MAF: variants seen among roughly 807,000 people sequenced by gnomAD.
The protein encoded by MAF is transcription factor Maf.
A neutral mutation model predicts 22.0 loss-of-function variants in MAF; 10 were observed. The observed-to-expected ratio is 0.45, with a 90% CI of 0.28 to 0.77. The LOEUF (loss-of-function observed/expected upper bound fraction) is 0.77. Among genes scored for constraint, MAF ranks in the 30% least tolerant of loss-of-function variants. The pLI is 0.12. For synonymous variants in MAF, 337 were observed against 255.8 expected, an observed-to-expected ratio of 1.32 and a Z score of -3.03; for missense variants, 544 against 548.4, an observed-to-expected ratio of 0.99 and a Z score of 0.08.
the MAF span, among the ~76,000 whole-genome samples, chr16:79,334,382 C>A: frequency 6.6e-6 from 1 of 152,158 alleles, no homozygotes; most frequent in Non-Finnish European, 1.5e-5. Context: ...GCGCGCTGTG[C>A]AAGGCCAGGG....
the MAF span, among the ~76,000 whole-genome samples, chr16:79,246,143 A>C: frequency 6.6e-6 from 1 of 152,268 alleles, no homozygotes; most frequent in African/African-American, 2.4e-5. Context: ...CCACCATGGC[A>C]CGTGTATACC....
At chr16:79,242,083 A>G in the MAF span, among the ~76,000 whole-genome samples, 1 of 152,100 alleles carries the variant, frequency 6.6e-6, no homozygotes, top group Non-Finnish European at 1.5e-5. Context: ...AGTCAATGCA[A>G]AAACATACCA....
At chr16:79,338,004 T>G in the MAF span, among the ~76,000 whole-genome samples, 13 of 152,292 alleles carry the variant, frequency 8.5e-5, no homozygotes, top group African/African-American at 3.1e-4. Flanking sequence ...TCAGGCCCTG[T>G]GCTAGGCACT....
the MAF span, among the ~76,000 whole-genome samples, chr16:79,277,032 T>G: frequency 6.6e-6 from 1 of 152,124 alleles, no homozygotes; most frequent in Non-Finnish European, 1.5e-5. Context: ...TCTCTCTTTT[T>G]TAATTTTGAT....
the MAF span, among the ~76,000 whole-genome samples, chr16:79,263,367 G>A: frequency 2.6e-5 from 4 of 152,166 alleles, no homozygotes; most frequent in African/African-American, 9.7e-5. Flanking sequence ...CACTTTGGAG[G>A]ATATGATTTG....
chr16:79,416,606 A>T, the MAF span, among the ~76,000 whole-genome samples: 2 of 152,142 alleles, frequency 1.3e-5, no homozygotes, highest in Non-Finnish European at 2.9e-5. Context: ...CCCCCACTCC[A>T]GTTTTACAGA....
the MAF span, among the ~76,000 whole-genome samples, chr16:79,502,866 T>C: frequency 6.7e-6 from 1 of 150,192 alleles, no homozygotes; most frequent in East Asian, 1.9e-4. Context: ...TTACTCTCTT[T>C]AACGTGGTGG....
chr16:79,524,382 G>T, the MAF span, among the ~76,000 whole-genome samples: 1 of 152,162 alleles, frequency 6.6e-6, no homozygotes, highest in East Asian at 1.9e-4. Flanking sequence ...TGTAGATGGG[G>T]ATTTATTTGC....
At chr16:79,407,525 G>C in the MAF span, among the ~76,000 whole-genome samples, 1 of 151,878 alleles carries the variant, frequency 6.6e-6, no homozygotes, top group Non-Finnish European at 1.5e-5. Context: ...TCCTGTAATC[G>C]TGTTCCTGCA....
chr16:79,583,346 T>C (rs1329315247), downstream of MAF, among the ~76,000 whole-genome samples: 1 of 152,206 alleles, frequency 6.6e-6, no homozygotes, highest in African/African-American at 2.4e-5. Context: ...GTCCACTCCA[T>C]CTGCCGATTG....
the MAF span, among the ~76,000 whole-genome samples, chr16:79,366,294 G>A: frequency 6.6e-5 from 10 of 152,266 alleles, no homozygotes; most frequent in African/African-American, 1.7e-4. Context: ...CCAAATATCT[G>A]TTGGAAACTT....
At chr16:79,477,141 A>G in the MAF span, among the ~76,000 whole-genome samples, 4 of 152,346 alleles carry the variant, frequency 2.6e-5, no homozygotes, top group East Asian at 5.8e-4. Flanking sequence ...GGGAACTGAT[A>G]CAATTACGTT....
At chr16:79,410,981 A>T in the MAF span, among the ~76,000 whole-genome samples, 2 of 152,210 alleles carry the variant, frequency 1.3e-5, no homozygotes, top group Non-Finnish European at 2.9e-5. Context: ...TTCCTTAGAT[A>T]TCGGTCTTAG....
At chr16:79,383,226 G>A in the MAF span, among the ~76,000 whole-genome samples, 2 of 152,270 alleles carry the variant, frequency 1.3e-5, no homozygotes, top group Admixed American at 6.5e-5. Context: ...GGACTGGGGT[G>A]GGGGCAGGGT....
the MAF span, among the ~76,000 whole-genome samples, chr16:79,525,259 C>G: frequency 6.6e-6 from 1 of 152,164 alleles, no homozygotes; most frequent in African/African-American, 2.4e-5. Context: ...TTCTCTGCCT[C>G]CCCCAATGCC....
At chr16:79,385,266 T>C in the MAF span, among the ~76,000 whole-genome samples, 1 of 152,250 alleles carries the variant, frequency 6.6e-6, no homozygotes, top group Non-Finnish European at 1.5e-5. Flanking sequence ...CCAATATGTA[T>C]GAATCAATTT....
chr16:79,355,815 G>A, the MAF span, among the ~76,000 whole-genome samples: 1 of 152,114 alleles, frequency 6.6e-6, no homozygotes, highest in Non-Finnish European at 1.5e-5. Context: ...TGTGGGGAGG[G>A]GAACGTGGTG....
chr16:79,595,739 T>C (rs1416002718), intron 1 of MAF: 2 of 1,057,002 alleles, frequency 1.9e-6, no homozygotes, highest in Non-Finnish European at 2.3e-6. Flanking sequence ...TTTTTGCTTT[T>C]ATTTCTGGGG....
the MAF span, among the ~76,000 whole-genome samples, chr16:79,569,108 CCA>C: frequency 1.5e-5 from 2 of 137,758 alleles, no homozygotes; most frequent in Non-Finnish European, 3.4e-5. Flanking sequence ...CTCACTATTC[CCA>C]CTTCACCTAG....
Sources: gnomAD v4.1 joint callset for allele counts (sites outside exome capture counted in the v4.1 genomes callset) on GRCh38, gnomAD v4.1.1 for gene constraint, MANE v1.5 for transcripts, NCBI Gene and HGNC (gene_info 2026-07-23, HGNC 2026-07-21) for gene names.